Variants in RIC1 observed in about 807,000 individuals in gnomAD.
RIC1 encodes guanine nucleotide exchange factor subunit RIC1.
RIC1 carries 88 observed loss-of-function variants against 169.0 expected under a neutral mutation model. The observed-to-expected ratio is 0.52, with a 90% CI of 0.44 to 0.62. The LOEUF is 0.62. RIC1 is among the 20% of genes least tolerant of loss of function. RIC1 has a pLI of 0.00. For missense variants in RIC1, 1,877 were observed against 1,725.5 expected (o/e 1.09, Z -1.56); for synonymous variants, 790 against 601.5 (o/e 1.31, Z -4.59).
At chr9:5,736,704 A>G (rs554268293) in intron 7 of RIC1, among the ~76,000 whole-genome samples, 2 of 152,358 alleles carry the variant, frequency 1.3e-5, no homozygotes, top group African/African-American at 2.4e-5. Context: ...GGTGAAAACT[A>G]TGATGTCTGA....
chr9:5,774,305 G>T lies in RIC1; in HGVS notation c.*59G>T, dbSNP rs371303473. The T allele has an allele frequency of 4.6e-5, 65 of 1,407,604 alleles. No homozygotes were observed. The East Asian group carries it at 8.3e-4, about 18-fold the overall frequency. The allele number at this position is 1,407,604 out of a possible 1,614,324, so 87.2% of individuals were successfully genotyped here. A position where few individuals can be genotyped will look rare whatever the true frequency, so the allele number is the denominator to read the frequency against. ...TTAGCAGCAGCGTGCAGCTCAGTAC[G>T]TTGTAACATAGTTGGATGATTTAAC... On this transcript the variant is annotated 3_prime_UTR_variant, in exon 26 of 26. Coordinates refer to ENST00000414202, the MANE Select transcript of RIC1 (RefSeq NM_020829.4).
chr9:5,730,485 G>A (rs1337304215), intron 6 of RIC1, among the ~76,000 whole-genome samples: 1 of 152,112 alleles, frequency 6.6e-6, no homozygotes, highest in Non-Finnish European at 1.5e-5. Flanking sequence ...TTCCATTTTA[G>A]GTAAAAATTA....
chr9:5,681,535 C>T (rs1430425933), intron 2 of RIC1, among the ~76,000 whole-genome samples: 2 of 152,182 alleles, frequency 1.3e-5, no homozygotes, highest in East Asian at 3.8e-4. Context: ...TGTTCTTTTA[C>T]ATTTGCTGAG....
intron 4 of RIC1, among the ~76,000 whole-genome samples, chr9:5,718,804 A>C (rs1343195243): frequency 6.6e-6 from 1 of 152,214 alleles, no homozygotes; most frequent in Non-Finnish European, 1.5e-5. Flanking sequence ...TGTGAAGTTC[A>C]AGAAATAGAG....
At chr9:5,778,078 C>G (rs1827678680), downstream of RIC1, among the ~76,000 whole-genome samples, 1 of 152,106 alleles carries the variant, frequency 6.6e-6, no homozygotes, top group South Asian at 2.1e-4. Flanking sequence ...GCCTTCCAGT[C>G]CATGAACATG....
At chr9:5,735,953 A>G (rs1465508261) in intron 7 of RIC1, among the ~76,000 whole-genome samples, 1 of 152,226 alleles carries the variant, frequency 6.6e-6, no homozygotes, top group Non-Finnish European at 1.5e-5. Context: ...CTTTGGAGTT[A>G]GTAAGTCCTG....
chr9:5,679,240 T>C (rs1052605583), intron 2 of RIC1, among the ~76,000 whole-genome samples: 1 of 152,212 alleles, frequency 6.6e-6, no homozygotes, highest in Non-Finnish European at 1.5e-5. Flanking sequence ...TTGGTTACTA[T>C]AGCCTTATAG....
chr9:5,631,391 T>G (rs1817707480), intron 1 of RIC1, among the ~76,000 whole-genome samples: 1 of 152,124 alleles, frequency 6.6e-6, no homozygotes, highest in African/African-American at 2.4e-5. Flanking sequence ...GAGGAGGCTG[T>G]ATAGTACTGT....
intron 21 of RIC1, among the ~76,000 whole-genome samples, chr9:5,766,072 C>T (rs184154694): frequency 1.3e-5 from 2 of 152,256 alleles, no homozygotes; most frequent in African/African-American, 4.8e-5. Flanking sequence ...GACAGAGTCT[C>T]ACTCTGTCAC....
Position 5,656,582 on chromosome 9 carries a change from G to C in RIC1, c.145-1G>C. ...ACTTTTTTTTTTTTTTAATCACACAGCCTAGTGTGTTAATTGTAACCTACA... is the reference window on the plus strand; with the variant it reads ...ACTTTTTTTTTTTTTTAATCACACACCCTAGTGTGTTAATTGTAACCTACA... On this transcript the variant is annotated splice_acceptor_variant, in intron 1 of 25. Coordinates refer to ENST00000414202, the MANE Select transcript of RIC1 (RefSeq NM_020829.4). LOFTEE classifies it high-confidence loss of function. 1 of 1,508,554 alleles carries C rather than the reference G, an allele frequency of 6.6e-7. No individual in the cohort carries two copies. The highest frequency in any genetic ancestry group is 9.0e-7 in the Non-Finnish European group (1 of 1,106,136). 93.4% of individuals were successfully genotyped at this position (1,508,554 alleles called of 1,614,324 possible). A position where few individuals can be genotyped will look rare whatever the true frequency, so the allele number is the denominator to read the frequency against.
intron 1 of RIC1, among the ~76,000 whole-genome samples, chr9:5,651,991 C>T (rs1455843613): frequency 1.3e-5 from 2 of 152,200 alleles, no homozygotes; most frequent in Non-Finnish European, 2.9e-5. Context: ...CCAATGTGTG[C>T]TCTTGGCACC....
intron 1 of RIC1, among the ~76,000 whole-genome samples, chr9:5,653,171 T>C (rs116567696): frequency 0.014 from 2,082 of 152,352 alleles, 56 homozygotes; most frequent in African/African-American, 0.047. Flanking sequence ...TTGAATACTA[T>C]TCATTGCAAA....
intron 6 of RIC1, among the ~76,000 whole-genome samples, chr9:5,729,736 C>G (rs1030278759): frequency 6.6e-6 from 1 of 152,058 alleles, no homozygotes; most frequent in Non-Finnish European, 1.5e-5. Flanking sequence ...TATCTACTAT[C>G]TTCCGTTATC....
At chr9:5,683,053 T>G (rs1194057924) in intron 2 of RIC1, among the ~76,000 whole-genome samples, 1 of 152,220 alleles carries the variant, frequency 6.6e-6, no homozygotes, top group Admixed American at 6.5e-5. Context: ...GTTATTCTAG[T>G]TAGCCATTCG....
At chr9:5,684,812 C>T (rs1327115823) in intron 2 of RIC1, among the ~76,000 whole-genome samples, 1 of 152,118 alleles carries the variant, frequency 6.6e-6, no homozygotes, top group Non-Finnish European at 1.5e-5. Context: ...TTATAAATCT[C>T]TTTCATCCAG....
chr9:5,634,205 G>T (rs568096489), intron 1 of RIC1, among the ~76,000 whole-genome samples: 2 of 152,320 alleles, frequency 1.3e-5, no homozygotes, highest in East Asian at 3.9e-4. Flanking sequence ...TGAAAGTGCA[G>T]ATATCTCTTT....
At chr9:5,731,558 G>C (rs565820565) in intron 6 of RIC1, among the ~76,000 whole-genome samples, 1 of 152,068 alleles carries the variant, frequency 6.6e-6, no homozygotes, top group Non-Finnish European at 1.5e-5. Context: ...TCTGCTAACT[G>C]AACTAATGAT....
Position 5,773,042 on chromosome 9 carries a change from A to G in RIC1, c.3945A>G (p.Thr1315=). ...GAGAGATGTTACAGAACATAAAGAC[A>G]GGGCTCCATGCAGTGGACCGATGGG... ...VDGEMLQNIK[T]GLHAVDRWAS... is the part of the protein sequence containing the mutation. The change falls in exon 25 of 26, where the codon ACA becomes ACG. Residue 1315 remains threonine (T), a synonymous_variant. Transcript: ENST00000414202. 6.2e-7 allele frequency: 1 copy of G among 1,613,486 alleles called. No homozygotes were observed.
At chr9:5,688,927 T>A (rs1407427152) in intron 2 of RIC1, among the ~76,000 whole-genome samples, 2 of 152,098 alleles carry the variant, frequency 1.3e-5, no homozygotes, top group African/African-American at 4.8e-5. Context: ...AACAGCTAAA[T>A]ATAATATTTT....
Sources: gnomAD v4.1 joint callset for allele counts (sites outside exome capture counted in the v4.1 genomes callset) on GRCh38, gnomAD v4.1.1 for gene constraint, MANE v1.5 for transcripts, NCBI Gene and HGNC (gene_info 2026-07-23, HGNC 2026-07-21) for gene names.